The following ABLIM2 variants were observed in gnomAD, a reference collection of about 807,000 sequenced individuals.
ABLIM2 encodes the protein actin binding LIM protein family member 2.
In ABLIM2, 53 loss-of-function variants were observed where a neutral mutation model predicts 97.7. That is an observed-to-expected ratio of 0.54 (90% CI 0.44 to 0.68). ABLIM2 has a LOEUF of 0.68. Among genes scored for constraint, ABLIM2 ranks in the 30% least tolerant of loss-of-function variants. ABLIM2 has a pLI of 0.00. For synonymous variants in ABLIM2, 361 were observed against 345.8 expected (o/e 1.04, Z -0.49); for missense variants, 835 against 867.2 (o/e 0.96, Z 0.47).
rs529145500 is a variant in ABLIM2 at position 8,087,077 on chromosome 4, G to T, written c.454+1092C>A. Among the ~76,000 whole-genome samples the T allele has an allele frequency of 1.6e-4, 25 of 152,190 alleles. No individual in the cohort carries two copies. Among genetic ancestry groups the T allele is most frequent in the Non-Finnish European group, 2.9e-4 (20 of 68,038 alleles). On this transcript the variant is annotated intron_variant, in intron 4 of 20. Coordinates refer to ENST00000447017, the MANE Select transcript of ABLIM2 (RefSeq NM_001130083.2). This position sits in a 1 kb window ranked among gnomAD's most constrained non-coding sequence, Gnocchi z 4.6. ...AGACTCTCAACGCAGCAGACAAGGT[G>T]GGGGAGAAAGGAGGCATTTGACACA...
chr4:8,143,801 C>A (rs1851382277), intron 1 of ABLIM2, among the ~76,000 whole-genome samples: 1 of 152,218 alleles, frequency 6.6e-6, no homozygotes, highest in Non-Finnish European at 1.5e-5. Context: ...AGCCTCCCTG[C>A]CAAGCCTGTG....
chr4:8,132,605 C>G lies in ABLIM2; in HGVS notation c.11-25968G>C, dbSNP rs1187031825. Reference sequence around the variant, plus strand: ...TGCGGAAGGCCTGCTCACTGCCACCCTCCCTCACCGCCACTCCTGCTCCCC... The same window carrying G: ...TGCGGAAGGCCTGCTCACTGCCACCGTCCCTCACCGCCACTCCTGCTCCCC... On this transcript the variant is annotated intron_variant, in intron 1 of 20. Transcript: ENST00000447017. The surrounding 1 kb of genome is among the most constrained non-coding windows in gnomAD (Gnocchi z 8.0). Among the ~76,000 whole-genome samples the G allele has an allele frequency of 6.6e-6, 1 of 152,172 alleles. No individual in the cohort carries two copies.
rs1849167655 is a variant in ABLIM2, at chr4:8,130,247, G to A, written c.11-23610C>T. Among the ~76,000 whole-genome samples the A allele has an allele frequency of 6.6e-6, 1 of 152,248 alleles. No individual in the cohort carries two copies. The highest frequency in any genetic ancestry group is 1.5e-5 in the Non-Finnish European group (1 of 68,048). On this transcript the variant is annotated intron_variant, in intron 1 of 20. Transcript: ENST00000447017. The surrounding 1 kb of genome is among the most constrained non-coding windows in gnomAD (Gnocchi z 4.2). Reference sequence around the variant, plus strand: ...ACGCAGGGTGGCCAGGGTGGTGCTGGATGGCTGAGGCCCGGCCGCATCTGT... The same window carrying A: ...ACGCAGGGTGGCCAGGGTGGTGCTGAATGGCTGAGGCCCGGCCGCATCTGT...
At position 8,120,283 on chromosome 4, in the gene ABLIM2, C is replaced by T. The variant is rs1001040876; in HGVS notation, c.11-13646G>A. ...ATGCCCACGTTGAAGTCCTAACCCC[C>T]GGACCTCGGCAAGTGACTGTGTTCG... On this transcript the variant is annotated intron_variant, in intron 1 of 20. Transcript: ENST00000447017. This position sits in a 1 kb window ranked among gnomAD's most constrained non-coding sequence, Gnocchi z 5.6. Among the ~76,000 whole-genome samples the T allele has an allele frequency of 3.9e-5, 6 of 152,166 alleles. No individual in the cohort carries two copies. The highest frequency in any genetic ancestry group is 2.1e-4 in the South Asian group (1 of 4,826).
At chr4:8,074,036 GA>G (rs1371382639) in intron 6 of ABLIM2, among the ~76,000 whole-genome samples, 1 of 138,280 alleles carries the variant, frequency 7.2e-6, no homozygotes, top group Non-Finnish European at 1.5e-5. Flanking sequence ...GCAGTGAGCC[GA>G]GATTGCGCCA....
intron 1 of ABLIM2, among the ~76,000 whole-genome samples, chr4:8,110,774 T>C (rs1839946311): frequency 6.6e-6 from 1 of 152,154 alleles, no homozygotes; most frequent in African/African-American, 2.4e-5. Flanking sequence ...TGCAGGGTCA[T>C]GGCGGAGGCG....
At chr4:8,114,833 G>A (rs1010127160) in intron 1 of ABLIM2, among the ~76,000 whole-genome samples, 1 of 152,204 alleles carries the variant, frequency 6.6e-6, no homozygotes, top group African/African-American at 2.4e-5. Flanking sequence ...GACAGTTCTG[G>A]GCACAAGAGC....
intron 8 of ABLIM2, among the ~76,000 whole-genome samples, chr4:8,052,617 A>G (rs55932143): frequency 0.087 from 13,322 of 152,334 alleles, 1,599 homozygotes; most frequent in African/African-American, 0.27. Context: ...ACAGGTGGGA[A>G]GCCAGGGCCC....
chr4:7,975,281 G>A (rs1577649299), intron 20 of ABLIM2, among the ~76,000 whole-genome samples: 1 of 152,154 alleles, frequency 6.6e-6, no homozygotes, highest in Non-Finnish European at 1.5e-5. Flanking sequence ...GTGGCTCTCA[G>A]CAACACCTTA....
chr4:8,104,717 C>A (rs1836368298), intron 2 of ABLIM2, among the ~76,000 whole-genome samples: 1 of 152,188 alleles, frequency 6.6e-6, no homozygotes, highest in Non-Finnish European at 1.5e-5. Flanking sequence ...CGACCCCCTG[C>A]AGGGCTCCAA....
In ABLIM2 at chr4:8,123,761, C is replaced by T. The variant is rs1011107562; in HGVS notation, c.11-17124G>A. ...TACACATGGGCAGGCAGGGGTGTGC[C>T]GGCATTGGGTCACACAGCCCAACTG... is the stretch of plus-strand genomic sequence containing the variant. On this transcript the variant is annotated intron_variant, in intron 1 of 20. Coordinates refer to ENST00000447017, the MANE Select transcript of ABLIM2 (RefSeq NM_001130083.2). The surrounding 1 kb of genome is among the most constrained non-coding windows in gnomAD (Gnocchi z 6.2). 4.6e-5 allele frequency among the ~76,000 whole-genome samples: 7 copies of T among 152,098 alleles called. No individual in the cohort carries two copies. The highest frequency in any genetic ancestry group is 7.4e-5 in the Non-Finnish European group (5 of 68,016).
intron 1 of ABLIM2, among the ~76,000 whole-genome samples, chr4:8,109,269 G>A (rs1178118237): frequency 6.6e-6 from 1 of 152,232 alleles, no homozygotes; most frequent in Admixed American, 6.5e-5. Context: ...ATGGGGCATG[G>A]CCCACCTGGT....
chr4:8,036,285 C>G lies in ABLIM2; in HGVS notation c.911G>C (p.Gly304Ala). 1.9e-6 allele frequency: 3 copies of G among 1,613,740 alleles called. No individual in the cohort carries two copies. Among genetic ancestry groups the G allele is most frequent in the Non-Finnish European group, 2.5e-6 (3 of 1,179,732 alleles). Reference sequence around the variant, plus strand: ...GTCCCTGTAGTCCAGGATCTCACCACCAAGCTTGGCCTGAGAGGGGAAAGA... The same window carrying G: ...GTCCCTGTAGTCCAGGATCTCACCAGCAAGCTTGGCCTGAGAGGGGAAAGA... ...SPSRVIYAKL[G>A]GEILDYRDLA... is the part of the protein sequence containing the mutation. The change falls in exon 10 of 21, where the codon GGT becomes GCT. Residue 304 changes from glycine (G) to alanine (A), a missense_variant. Physicochemically the swap from Gly to Ala is moderately conservative, Grantham distance 60 (BLOSUM62 0). Coordinates refer to ENST00000447017, the MANE Select transcript of ABLIM2 (RefSeq NM_001130083.2).
At chr4:8,009,441 G>C (rs1003583629) in intron 14 of ABLIM2, among the ~76,000 whole-genome samples, 1 of 152,202 alleles carries the variant, frequency 6.6e-6, no homozygotes, top group Non-Finnish European at 1.5e-5. Flanking sequence ...CTGTCACCCA[G>C]GCTGGAGTGC....
Position 7,992,926 on chromosome 4 carries a change from T to C in ABLIM2, c.1620A>G (p.Arg540=). The C allele has an allele frequency of 3.1e-6, 5 of 1,612,814 alleles. No individual in the cohort carries two copies. Among genetic ancestry groups the C allele is most frequent in the Non-Finnish European group, 4.2e-6 (5 of 1,179,692 alleles). The change falls in exon 17 of 21, where the codon CGA becomes CGG. Residue 540 remains arginine (R), a splice_region_variant and synonymous_variant. Coordinates refer to ENST00000447017, the MANE Select transcript of ABLIM2 (RefSeq NM_001130083.2). This position sits in a 1 kb window ranked among gnomAD's most constrained non-coding sequence, Gnocchi z 5.7. ...QRMAGDSFHS[R]FPYSKSDPLP... is the part of the protein sequence containing the mutation. The stretch of plus-strand genomic sequence containing the variant: ...GAGGGTCAGATTTGGAATAGGGGAA[T>C]CCTGAAACAGACACAGCACAGCTTT...
At position 8,058,555 on chromosome 4, in the gene ABLIM2, A is replaced by T. The variant is rs6834025; in HGVS notation, c.763+2412T>A. On this transcript the variant is annotated intron_variant, in intron 7 of 20. Coordinates refer to ENST00000447017, the MANE Select transcript of ABLIM2 (RefSeq NM_001130083.2). This position sits in a 1 kb window ranked among gnomAD's most constrained non-coding sequence, Gnocchi z 4.2. ...GAGCTGTGGCTAAAGAGATGAAGTC[A>T]CAATAGCAGACCTGTCCTCGCCGGG... is the stretch of plus-strand genomic sequence containing the variant. Among the ~76,000 whole-genome samples, 44,031 of 152,130 alleles carry T rather than the reference A, an allele frequency of 0.29. 6,541 individuals are homozygous for T. The highest frequency in any genetic ancestry group is 0.36 in the South Asian group (1,737 of 4,822).
In ABLIM2 at chr4:8,068,358, C is replaced by T. The variant is rs1206409886; in HGVS notation, c.676-7304G>A. ...ACGAGGTGCCAGGGAAGCACACCCA[C>T]AGCCTGTGGTGGCTCAGGGTGACCA... On this transcript the variant is annotated intron_variant, in intron 6 of 20. Transcript: ENST00000447017. The surrounding 1 kb of genome is among the most constrained non-coding windows in gnomAD (Gnocchi z 4.5). Among the ~76,000 whole-genome samples, 2 of 152,224 alleles carry T rather than the reference C, an allele frequency of 1.3e-5. No homozygotes were observed. Among genetic ancestry groups the T allele is most frequent in the Non-Finnish European group, 2.9e-5 (2 of 68,032 alleles).
chr4:7,983,099 C>T (rs1022456813), intron 20 of ABLIM2, among the ~76,000 whole-genome samples, 165 bp downstream of exon 20: 1 of 152,206 alleles, frequency 6.6e-6, no homozygotes, highest in African/African-American at 2.4e-5. Flanking sequence ...ATCACCACAT[C>T]GTTTGGCCTT....
In ABLIM2 at chr4:7,967,068, A is replaced by C. The variant is rs1254226977; in HGVS notation, c.1860T>G (p.Phe620Leu). 3 of 1,613,916 alleles carry C rather than the reference A, an allele frequency of 1.9e-6. No homozygotes were observed. Among genetic ancestry groups the C allele is most frequent in the Non-Finnish European group, 2.5e-6 (3 of 1,179,934 alleles). The change falls in exon 21 of 21, where the codon TTT becomes TTG. Residue 620 changes from phenylalanine to leucine, a missense_variant. Phe to Leu is a conservative substitution (Grantham distance 22). Transcript: ENST00000447017. The stretch of plus-strand genomic sequence containing the variant: ...GGTCAAACTCCTCGATGCTCATCCC[A>C]AACACTTCCTGGAACTCCTCGGGCG... ...HLSPEEFQEV[F>L]GMSIEEFDRL...
Sources: allele counts gnomAD v4.1 joint callset (sites outside exome capture counted in the v4.1 genomes callset), GRCh38; gene constraint gnomAD v4.1.1; non-coding constraint Gnocchi (gnomAD v3.1); transcripts MANE v1.5; gene names NCBI Gene and HGNC (gene_info 2026-07-23, HGNC 2026-07-21).